BTBD8: variants seen among roughly 807,000 people sequenced by gnomAD.
The protein encoded by BTBD8 is BTB/POZ domain-containing protein 8.
A neutral mutation model predicts 162.9 loss-of-function variants in BTBD8; 110 were observed. That is an observed-to-expected ratio of 0.68 (90% CI 0.58 to 0.79). The LOEUF is 0.79. Ranked by LOEUF, BTBD8 falls within the 30% of genes least tolerant of loss-of-function variation. The pLI, the probability that BTBD8 is intolerant of heterozygous loss-of-function variation, is 0.00. For synonymous variants in BTBD8, 667 were observed against 716.1 expected, an observed-to-expected ratio of 0.93 and a Z score of 1.10; for missense variants, 1,905 against 2,085.4, an observed-to-expected ratio of 0.91 and a Z score of 1.68.
rs1052365994 is a variant in BTBD8, at chr1:92,180,552, C to T, written c.2869C>T (p.Pro957Ser). 10 of 1,551,636 alleles carry T rather than the reference C, an allele frequency of 6.4e-6. No individual in the cohort carries two copies. Among genetic ancestry groups the T allele is most frequent in the Admixed American group, 2.0e-5 (1 of 51,006 alleles). Reference sequence around the variant, plus strand: ...AAAAACTCAGCCTTCCTCCCAAAGACCTTTAAAACATGAAACATCTACTGT... The same window carrying T: ...AAAAACTCAGCCTTCCTCCCAAAGATCTTTAAAACATGAAACATCTACTGT... ...ISKTQPSSQRPLKHETSTVQK... is the reference protein window; with the variant it reads ...ISKTQPSSQRSLKHETSTVQK... The change falls in exon 17 of 18, where the codon CCT becomes TCT. Residue 957 changes from proline (P) to serine (S), a missense_variant. By Grantham distance (74) the Pro-to-Ser change is moderately conservative. This residue lies in a region of BTBD8 where 1,374 missense variants were observed against 1,442.7 expected (regional missense o/e 0.95). Coordinates refer to ENST00000636805, the MANE Select transcript of BTBD8 (RefSeq NM_001376131.1).
chr1:92,163,446 A>G (rs1360257258), intron 9 of BTBD8, among the ~76,000 whole-genome samples: 1 of 151,306 alleles, frequency 6.6e-6, no homozygotes, highest in African/African-American at 2.4e-5. Context: ...AAAATTACAT[A>G]TATGTTTTGT....
intron 4 of BTBD8, chr1:92,115,103 A>G: frequency 2.3e-6 from 1 of 439,250 alleles, no homozygotes; most frequent in South Asian, 1.8e-5. Context: ...CAGTGGGGAC[A>G]TGAAAGGCCA....
At chr1:92,139,196 G>A (rs1649707768) in intron 5 of BTBD8, among the ~76,000 whole-genome samples, 154 bp from the exon 6 acceptor site, 1 of 152,082 alleles carries the variant, frequency 6.6e-6, no homozygotes, top group South Asian at 2.1e-4. Flanking sequence ...TTAAATTAAT[G>A]GTATACCTGC....
intron 1 of BTBD8, 54 bp downstream of exon 1, chr1:92,080,774 C>T: frequency 6.4e-7 from 1 of 1,560,740 alleles, no homozygotes; most frequent in Non-Finnish European, 8.7e-7. Flanking sequence ...CCCACCTCCG[C>T]CCCGAAGCTG....
intron 11 of BTBD8, among the ~76,000 whole-genome samples, chr1:92,168,568 C>T (rs1247018881): frequency 6.6e-6 from 1 of 152,062 alleles, no homozygotes; most frequent in Non-Finnish European, 1.5e-5. Context: ...TTCCATAGAG[C>T]ATTTGACCTT....
chr1:92,084,281 T>C (rs1648096525), intron 1 of BTBD8, among the ~76,000 whole-genome samples: 1 of 152,228 alleles, frequency 6.6e-6, no homozygotes, highest in African/African-American at 2.4e-5. Context: ...AAATTTGCCA[T>C]TGTTTCAAAC....
At position 92,181,976 on chromosome 1, in the gene BTBD8, T is replaced by C; in HGVS notation, c.4293T>C (p.Thr1431=). 1 of 1,551,518 alleles carries C rather than the reference T, an allele frequency of 6.4e-7. No homozygotes were observed. Among genetic ancestry groups the C allele is most frequent in the Non-Finnish European group, 8.7e-7 (1 of 1,146,872 alleles). ...ATGAATGTCGTGAATTTTCTGCAAC[T>C]AAAAAGTTTAAAAGGTCAGTTTTAC... ...TENECREFSA[T]KKFKRSVLLS... Residue 1431 remains threonine (T), a synonymous_variant, in exon 17 of 18, where the codon ACT becomes ACC. Coordinates refer to ENST00000636805, the MANE Select transcript of BTBD8 (RefSeq NM_001376131.1).
At chr1:92,179,928 A>G (rs1176774351) in intron 16 of BTBD8, among the ~76,000 whole-genome samples, 1 of 152,118 alleles carries the variant, frequency 6.6e-6, no homozygotes, top group Admixed American at 6.5e-5. Flanking sequence ...CTCCTTTGAT[A>G]AAAGAAAATC....
chr1:92,177,420 C>T lies in BTBD8; in HGVS notation c.2227C>T (p.Leu743=), dbSNP rs910217048. ...GGAATTCTCAATTTCCACTGAATGT[C>T]TGGATGAACCGAAAGAAAATGGATC... The part of the protein sequence containing the change: ...SMEFSISTEC[L]DEPKENGSTE... The change falls in exon 14 of 18, where the codon CTG becomes TTG. Residue 743 remains leucine, a synonymous_variant. Transcript: ENST00000636805. 1 of 1,551,736 alleles carries T rather than the reference C, an allele frequency of 6.4e-7. No homozygotes were observed.
Position 92,100,501 on chromosome 1 carries a change from A to G in BTBD8, c.348-1972A>G, listed in dbSNP as rs150964568. ...TACTAATTCAATCCCTTTACTTGTT[A>G]TAGGTGTACTCAGATACTCTGTTTC... is the stretch of plus-strand genomic sequence containing the variant. On this transcript the variant is annotated intron_variant, in intron 2 of 17. Transcript: ENST00000636805. 4.3e-3 allele frequency among the ~76,000 whole-genome samples: 653 copies of G among 152,204 alleles called. 3 individuals are homozygous for G. Among genetic ancestry groups the G allele is most frequent in the Middle Eastern group, 0.014 (4 of 294 alleles).
At chr1:92,140,534 T>G (rs1350013066) in intron 6 of BTBD8, among the ~76,000 whole-genome samples, 6 of 152,168 alleles carry the variant, frequency 3.9e-5, no homozygotes, top group African/African-American at 1.4e-4. Context: ...GTCCCAGGAT[T>G]TACTACTAAG....
At position 92,094,159 on chromosome 1, in the gene BTBD8, G is replaced by C. The variant is rs116677177; in HGVS notation, c.347+5264G>C. ...GCTTTGTGCTTCATAGCACTTCACA[G>C]TGCTCTATTTCAAGCACTAATCATA... On this transcript the variant is annotated intron_variant, in intron 2 of 17. Coordinates refer to ENST00000636805, the MANE Select transcript of BTBD8 (RefSeq NM_001376131.1). Among the ~76,000 whole-genome samples the C allele has an allele frequency of 5.8e-3, 890 of 152,280 alleles. 2 individuals are homozygous for C. The highest frequency in any genetic ancestry group is 9.7e-3 in the Non-Finnish European group (659 of 68,028).
In BTBD8 at chr1:92,181,184, A is replaced by G; in HGVS notation, c.3501A>G (p.Lys1167=). 10 of 1,551,718 alleles carry G rather than the reference A, an allele frequency of 6.4e-6. No homozygotes were observed. Among genetic ancestry groups the G allele is most frequent in the Non-Finnish European group, 8.7e-6 (10 of 1,146,986 alleles). The part of the protein sequence containing the change: ...LNSAQEDKKS[K]VPVEGLTIPS... ...CTGCTCAAGAAGACAAAAAATCGAA[A>G]GTTCCTGTGGAAGGACTGACAATTC... The change falls in exon 17 of 18, where the codon AAA becomes AAG. Residue 1167 remains lysine, a synonymous_variant. Coordinates refer to ENST00000636805, the MANE Select transcript of BTBD8 (RefSeq NM_001376131.1).
At chr1:92,082,614 G>A (rs1315499795) in intron 1 of BTBD8, among the ~76,000 whole-genome samples, 1 of 152,304 alleles carries the variant, frequency 6.6e-6, no homozygotes, top group Non-Finnish European at 1.5e-5. Context: ...ATTTGAAAGA[G>A]CTTGATTGAT....
At chr1:92,183,504 A>G (rs1489136662) in intron 17 of BTBD8, among the ~76,000 whole-genome samples, 4 of 151,846 alleles carry the variant, frequency 2.6e-5, no homozygotes, top group Non-Finnish European at 5.9e-5. Flanking sequence ...CCTAAAAGTC[A>G]TCATCAAAAC....
intron 2 of BTBD8, among the ~76,000 whole-genome samples, chr1:92,096,567 T>TTA (rs1281323075): frequency 6.6e-6 from 1 of 151,352 alleles, no homozygotes; most frequent in Non-Finnish European, 1.5e-5. Flanking sequence ...TTTTTTTTTT[T>TTA]AGAGATGATA....
chr1:92,089,995 ATAT>A (rs1210062578), intron 2 of BTBD8, among the ~76,000 whole-genome samples: 1 of 152,154 alleles, frequency 6.6e-6, no homozygotes, highest in Non-Finnish European at 1.5e-5. Context: ...CTGTTGTTGC[ATAT>A]TATTTCATTG....
At position 92,110,074 on chromosome 1, in the gene BTBD8, C is replaced by T. The variant is rs144962378; in HGVS notation, c.662+2073C>T. On this transcript the variant is annotated intron_variant, in intron 4 of 17. Transcript: ENST00000636805. ...GGTCAAGTTACTTCCTCAGTAACAC[C>T]CCTCATAACACAGGTCTTCCAAGGT... is the stretch of plus-strand genomic sequence containing the variant. Among the ~76,000 whole-genome samples, 268 of 152,184 alleles carry T rather than the reference C, an allele frequency of 1.8e-3. 3 individuals carry two copies. The highest frequency in any genetic ancestry group is 5.9e-3 in the African/African-American group (245 of 41,510).
At chr1:92,104,137 G>A (rs1557441173) in intron 3 of BTBD8, among the ~76,000 whole-genome samples, 1 of 152,174 alleles carries the variant, frequency 6.6e-6, no homozygotes, top group Non-Finnish European at 1.5e-5. Flanking sequence ...TGCTCAAATT[G>A]TTCCCTAATA....
Sources: gnomAD v4.1 joint callset for allele counts (sites outside exome capture counted in the v4.1 genomes callset) on GRCh38, gnomAD v4.1.1 for gene constraint, gnomAD v4.1.1 regional missense constraint, MANE v1.5 for transcripts, NCBI Gene and HGNC (gene_info 2026-07-23, HGNC 2026-07-21) for gene names.